Variants in FRMD4A observed in about 807,000 individuals in gnomAD.
The protein encoded by FRMD4A is FERM domain-containing protein 4A.
In FRMD4A, 29 loss-of-function variants were observed where a neutral mutation model predicts 129.1. That is an observed-to-expected ratio of 0.22 (90% confidence interval 0.17 to 0.31). FRMD4A has a LOEUF of 0.31. Among genes scored for constraint, FRMD4A ranks in the 10% least tolerant of loss-of-function variants. FRMD4A has a pLI of 1.00. For synonymous variants in FRMD4A, 634 were observed against 571.6 expected (o/e 1.11, Z -1.56); for missense variants, 1,272 against 1,375.8 (o/e 0.92, Z 1.19).
chr10:13,746,175 T>A (rs2091279514), intron 9 of FRMD4A, among the ~76,000 whole-genome samples: 1 of 151,884 alleles, frequency 6.6e-6, no homozygotes, highest in Admixed American at 6.6e-5. Context: ...AGTGATGTGG[T>A]CTCTCAGAGA....
At chr10:13,912,395 A>G (rs1453928780) in intron 2 of FRMD4A, among the ~76,000 whole-genome samples, 1 of 152,196 alleles carries the variant, frequency 6.6e-6, no homozygotes, top group East Asian at 1.9e-4. Context: ...GGAAACATAT[A>G]TCCACAGAAA....
At chr10:14,009,640 C>T (rs542271424) in intron 2 of FRMD4A, among the ~76,000 whole-genome samples, 12 of 152,278 alleles carry the variant, frequency 7.9e-5, no homozygotes, top group Non-Finnish European at 1.2e-4. Flanking sequence ...ACGGCGGCGG[C>T]AGCAGCGCAC....
At chr10:14,324,402 T>C (rs1319959345) in intron 2 of FRMD4A, among the ~76,000 whole-genome samples, 1 of 152,168 alleles carries the variant, frequency 6.6e-6, no homozygotes, top group Admixed American at 6.5e-5. Context: ...TTTTGACAAT[T>C]ATCTTACTTA....
At chr10:13,863,904 T>TGC (rs1185817838) in intron 2 of FRMD4A, among the ~76,000 whole-genome samples, 2 of 152,156 alleles carry the variant, frequency 1.3e-5, no homozygotes, top group East Asian at 3.8e-4. Context: ...AGACAGCAAC[T>TGC]TCAGAACATT....
rs963153263 is a variant in FRMD4A at position 13,821,697 on chromosome 10, C to T, written c.112-10789G>A. Among the ~76,000 whole-genome samples, 2 of 152,156 alleles carry T rather than the reference C, an allele frequency of 1.3e-5. No homozygotes were observed. Among genetic ancestry groups the T allele is most frequent in the Non-Finnish European group, 2.9e-5 (2 of 68,026 alleles). On this transcript the variant is annotated intron_variant, in intron 3 of 24. Coordinates refer to ENST00000357447, the MANE Select transcript of FRMD4A (RefSeq NM_018027.5). The surrounding 1 kb of genome is among the most constrained non-coding windows in gnomAD (Gnocchi z 4.3). ...CTGAGATACAGCCAGAGAAGCAACT[C>T]GCCAAATTCACACAGCGAATCAGTG... is the stretch of plus-strand genomic sequence containing the variant.
chr10:13,656,486 G>T, intron 22 of FRMD4A, 150 bp downstream of exon 22: 2 of 954,882 alleles, frequency 2.1e-6, no homozygotes, highest in Non-Finnish European at 2.7e-6. Flanking sequence ...CAAGTCTCCC[G>T]CATCTAACAG....
At chr10:13,802,002 G>GT (rs765525200) in intron 4 of FRMD4A, among the ~76,000 whole-genome samples, 1 of 11,802 alleles carries the variant, frequency 8.5e-5, no homozygotes, top group African/African-American at 2.5e-4. Context: ...CAATAATAAT[G>GT]CAAAAAAAAA....
At chr10:13,738,595 G>A (rs1179688382) in intron 11 of FRMD4A, among the ~76,000 whole-genome samples, 1 of 151,850 alleles carries the variant, frequency 6.6e-6, no homozygotes, top group African/African-American at 2.4e-5. Flanking sequence ...ACAGTCTCAG[G>A]ACTGAATTAG....
At chr10:14,308,323 T>C (rs2132100947) in intron 2 of FRMD4A, among the ~76,000 whole-genome samples, 1 of 152,374 alleles carries the variant, frequency 6.6e-6, no homozygotes, top group South Asian at 2.1e-4. Flanking sequence ...GTGCCAAAGA[T>C]AATTTGCACA....
intron 2 of FRMD4A, among the ~76,000 whole-genome samples, chr10:14,272,100 G>C (rs1845181012): frequency 6.6e-6 from 1 of 152,092 alleles, no homozygotes; most frequent in Non-Finnish European, 1.5e-5. Flanking sequence ...AACAAATCCT[G>C]ATATCCCAAA....
rs569757567 is a variant in FRMD4A at position 14,133,225 on chromosome 10, G to A, written c.45+196833C>T. Among the ~76,000 whole-genome samples the A allele has an allele frequency of 1.2e-4, 19 of 152,306 alleles. No individual in the cohort carries two copies. In the East Asian group the frequency reaches 2.5e-3, roughly 20 times the overall value. ...CACTTGAGACACTGCTATTTGGGTC[G>A]TGAGGCCTTCAAGAAAATACCACTT... On this transcript the variant is annotated intron_variant, in intron 2 of 24. Transcript: ENST00000357447.
intron 13 of FRMD4A, 61 bp downstream of exon 13, chr10:13,706,976 T>A: frequency 1.2e-6 from 1 of 866,226 alleles, no homozygotes; most frequent in Non-Finnish European, 2.0e-6. Context: ...CAAAATAATA[T>A]CCATAACACG....
At chr10:13,985,066 G>T (rs1243005428) in intron 2 of FRMD4A, among the ~76,000 whole-genome samples, 1 of 152,256 alleles carries the variant, frequency 6.6e-6, no homozygotes, top group African/African-American at 2.4e-5. Context: ...TTAGCCTCAT[G>T]AGCCCTGCTG....
intron 2 of FRMD4A, chr10:13,890,981 G>T: frequency 3.0e-6 from 1 of 328,948 alleles, no homozygotes; most frequent in Non-Finnish European, 4.4e-6. Flanking sequence ...AGCCCACGCA[G>T]CTTTCTCGGT....
intron 2 of FRMD4A, among the ~76,000 whole-genome samples, chr10:14,152,832 C>T (rs903814252): frequency 6.6e-6 from 1 of 151,980 alleles, no homozygotes; most frequent in Non-Finnish European, 1.5e-5. Flanking sequence ...AGAGCAACAC[C>T]TTGCCTCTGA....
chr10:13,772,247 T>C (rs1564775930), intron 6 of FRMD4A, among the ~76,000 whole-genome samples: 1 of 144,776 alleles, frequency 6.9e-6, no homozygotes, highest in Non-Finnish European at 1.5e-5. Flanking sequence ...AAAGAGTTCA[T>C]AGCTAATCCC....
chr10:14,128,080 CTTT>C (rs749930634), intron 2 of FRMD4A, among the ~76,000 whole-genome samples: 1 of 102,260 alleles, frequency 9.8e-6, no homozygotes, highest in Non-Finnish European at 2.0e-5. Flanking sequence ...TTCTTTCTTT[CTTT>C]CTTTCTTTCT....
intron 5 of FRMD4A, among the ~76,000 whole-genome samples, chr10:13,786,789 G>C (rs1049857550): frequency 6.6e-6 from 1 of 152,062 alleles, no homozygotes; most frequent in East Asian, 1.9e-4. Flanking sequence ...TGAAGTTGAC[G>C]GTGGCCTTTG....
chr10:13,776,735 G>A (rs544000380), intron 6 of FRMD4A, among the ~76,000 whole-genome samples: 4 of 152,264 alleles, frequency 2.6e-5, no homozygotes, highest in Middle Eastern at 3.4e-3. Context: ...AGTAGGAACC[G>A]TTCCCCAAGA....
Sources: gnomAD v4.1 joint callset for allele counts (sites outside exome capture counted in the v4.1 genomes callset) on GRCh38, gnomAD v4.1.1 for gene constraint, Gnocchi (gnomAD v3.1) non-coding constraint, MANE v1.5 for transcripts, NCBI Gene and HGNC (gene_info 2026-07-23, HGNC 2026-07-21) for gene names.